The following PPM1L variants were observed in gnomAD, a reference collection of about 807,000 sequenced individuals.
The protein encoded by PPM1L is protein phosphatase, Mg2+/Mn2+ dependent 1L, also known as protein phosphatase 1L.
Under a neutral mutation model 31.4 loss-of-function variants are expected in PPM1L, and 13 were observed. The observed-to-expected ratio is 0.41, with a 90% CI of 0.27 to 0.66. PPM1L has a LOEUF of 0.66. PPM1L is among the 30% of genes least tolerant of loss of function. The pLI, the probability that PPM1L is intolerant of heterozygous loss-of-function variation, is 0.29. For synonymous variants in PPM1L, 184 were observed against 175.4 expected (o/e 1.05, Z -0.39); for missense variants, 326 against 453.7 (o/e 0.72, Z 2.56).
chr3:160,821,689 C>G (rs886620447), intron 1 of PPM1L, among the ~76,000 whole-genome samples: 1 of 152,044 alleles, frequency 6.6e-6, no homozygotes, highest in Non-Finnish European at 1.5e-5. Context: ...TATGACATAT[C>G]TATCTGTTTT....
intron 1 of PPM1L, among the ~76,000 whole-genome samples, chr3:160,916,981 A>G (rs1228792703): frequency 2.0e-5 from 3 of 152,176 alleles, no homozygotes; most frequent in Non-Finnish European, 4.4e-5. Flanking sequence ...TTTTTGTGCT[A>G]TTTTATGCAT....
intron 1 of PPM1L, among the ~76,000 whole-genome samples, chr3:160,816,183 A>G (rs1306197209): frequency 1.3e-5 from 2 of 151,960 alleles, no homozygotes; most frequent in Non-Finnish European, 1.5e-5. Flanking sequence ...CCTTAAGAGT[A>G]AAAAGTATTG....
intron 2 of PPM1L, among the ~76,000 whole-genome samples, chr3:161,061,163 T>G (rs548370188): frequency 6.6e-6 from 1 of 151,180 alleles, no homozygotes; most frequent in African/African-American, 2.4e-5. Flanking sequence ...TTCAGATCAT[T>G]CTTAAGCCTC....
intron 1 of PPM1L, among the ~76,000 whole-genome samples, chr3:160,844,175 A>G (rs575313372): frequency 2.7e-4 from 41 of 152,204 alleles, no homozygotes; most frequent in Non-Finnish European, 5.1e-4. Flanking sequence ...TTGGAATTCC[A>G]TGGGTAGAAC....
intron 1 of PPM1L, among the ~76,000 whole-genome samples, chr3:160,951,075 T>C (rs1228274354): frequency 2.6e-5 from 4 of 152,244 alleles, no homozygotes; most frequent in African/African-American, 9.6e-5. Flanking sequence ...GTGAAACATC[T>C]TCTTTCTGTA....
intron 1 of PPM1L, among the ~76,000 whole-genome samples, chr3:160,941,363 G>C (rs1178209612): frequency 6.6e-6 from 1 of 152,102 alleles, no homozygotes; most frequent in Non-Finnish European, 1.5e-5. Flanking sequence ...GGGGACAGGG[G>C]CAGAATGACA....
intron 1 of PPM1L, among the ~76,000 whole-genome samples, chr3:160,805,491 G>A (rs943418481): frequency 6.6e-6 from 1 of 152,182 alleles, no homozygotes; most frequent in African/African-American, 2.4e-5. Context: ...GGAAGCCGAG[G>A]CAGGTGGATC....
Position 160,969,958 on chromosome 3 carries a change from G to A in PPM1L, c.574+8048G>A, listed in dbSNP as rs148366957. On this transcript the variant is annotated intron_variant, in intron 2 of 3. Coordinates refer to ENST00000498165, the MANE Select transcript of PPM1L (RefSeq NM_139245.4). ...TACCTAAACATAATCAACATCTTTG[G>A]TGTATTTATTTCTTGCCATTTTTCT... Among the ~76,000 whole-genome samples, 5 of 152,018 alleles carry A rather than the reference G, an allele frequency of 3.3e-5. No individual in the cohort carries two copies. In the East Asian group the frequency reaches 9.7e-4, roughly 29 times the overall value.
intron 1 of PPM1L, among the ~76,000 whole-genome samples, chr3:160,765,202 C>T (rs1360150775): frequency 2.0e-5 from 3 of 152,142 alleles, no homozygotes; most frequent in Non-Finnish European, 4.4e-5. Context: ...AAGTAATTTG[C>T]CCATGGTCTC....
chr3:160,880,143 T>C (rs1712659868), intron 1 of PPM1L, among the ~76,000 whole-genome samples: 1 of 152,134 alleles, frequency 6.6e-6, no homozygotes, highest in African/African-American at 2.4e-5. Context: ...TACCATCTTC[T>C]TGGCAGCAGT....
chr3:160,908,162 C>T (rs1713827199), intron 1 of PPM1L, among the ~76,000 whole-genome samples: 1 of 152,158 alleles, frequency 6.6e-6, no homozygotes, highest in South Asian at 2.1e-4. Flanking sequence ...TTTGGTTAGT[C>T]TTTCTACTCA....
chr3:161,029,472 T>C (rs1402894057), intron 2 of PPM1L, among the ~76,000 whole-genome samples: 2 of 152,230 alleles, frequency 1.3e-5, no homozygotes, highest in Non-Finnish European at 2.9e-5. Flanking sequence ...GTAAATAAGC[T>C]GAATGAAACC....
intron 1 of PPM1L, among the ~76,000 whole-genome samples, chr3:160,862,035 C>T (rs780971530): frequency 2.6e-5 from 4 of 152,006 alleles, no homozygotes; most frequent in East Asian, 1.9e-4. Context: ...TGCAGAGTCC[C>T]GTTTGCCATG....
intron 2 of PPM1L, among the ~76,000 whole-genome samples, chr3:160,969,693 C>T (rs942055305): frequency 1.1e-4 from 17 of 152,232 alleles, no homozygotes; most frequent in African/African-American, 3.6e-4. Context: ...CAAAAGATAC[C>T]CTCTCCAGGG....
intron 1 of PPM1L, among the ~76,000 whole-genome samples, chr3:160,958,783 C>A (rs1715861218): frequency 6.6e-6 from 1 of 152,130 alleles, no homozygotes; most frequent in African/African-American, 2.4e-5. Flanking sequence ...TGTTGTGTTA[C>A]CTTTGGCTAC....
chr3:160,849,666 C>T (rs552648996), intron 1 of PPM1L, among the ~76,000 whole-genome samples: 19 of 151,846 alleles, frequency 1.3e-4, no homozygotes, highest in East Asian at 1.2e-3. Context: ...CCTTGTGATC[C>T]GCCCGCCTCA....
Position 161,074,121 on chromosome 3 carries a change from A to T in PPM1L, c.*4964A>T. ...AAAACTAATGATCTGTTATATAATA[A>T]CTGAAATGTAAACTATTAACAGTTA... On this transcript the variant is annotated 3_prime_UTR_variant, in exon 4 of 4. Transcript: ENST00000498165. The T allele has an allele frequency of 6.6e-6, 1 of 152,234 alleles. No homozygotes were observed. The highest frequency in any genetic ancestry group is 1.5e-5 in the Non-Finnish European group (1 of 68,038). 9.4% of individuals were successfully genotyped at this position (152,234 alleles called of 1,614,324 possible). A position where few individuals can be genotyped will look rare whatever the true frequency, so the allele number is the denominator to read the frequency against.
At chr3:160,855,249 T>G (rs770357503) in intron 1 of PPM1L, among the ~76,000 whole-genome samples, 1 of 152,150 alleles carries the variant, frequency 6.6e-6, no homozygotes, top group Non-Finnish European at 1.5e-5. Flanking sequence ...GACTTAAATA[T>G]AAAACCTAAA....
chr3:160,890,070 C>G (rs1011683617), intron 1 of PPM1L, among the ~76,000 whole-genome samples: 1 of 152,164 alleles, frequency 6.6e-6, no homozygotes, highest in Non-Finnish European at 1.5e-5. Context: ...GAAGCATTTC[C>G]TTTGAAAACT....
Sources: gnomAD v4.1 joint callset for allele counts (sites outside exome capture counted in the v4.1 genomes callset) on GRCh38, gnomAD v4.1.1 for gene constraint, MANE v1.5 for transcripts, NCBI Gene and HGNC (gene_info 2026-07-23, HGNC 2026-07-21) for gene names.